Variants in DLGAP2 observed in about 807,000 individuals in gnomAD.
DLGAP2 encodes the protein DLG associated protein 2, also known as disks large-associated protein 2.
In DLGAP2, 26 loss-of-function variants were observed where a neutral mutation model predicts 100.3. The ratio of observed to expected loss-of-function variants is 0.26; its 90% CI spans 0.19 to 0.36. The LOEUF (loss-of-function observed/expected upper bound fraction) is 0.36. Among genes scored for constraint, DLGAP2 ranks in the 10% least tolerant of loss-of-function variants. The pLI, the probability that DLGAP2 is intolerant of heterozygous loss-of-function variation, is 1.00. For synonymous variants in DLGAP2, 886 were observed against 630.1 expected (o/e 1.41, Z -6.08); for missense variants, 1,858 against 1,453.2 (o/e 1.28, Z -4.53).
chr8:1,160,672 T>C (rs1216564153), intron 2 of DLGAP2, among the ~76,000 whole-genome samples: 1 of 152,236 alleles, frequency 6.6e-6, no homozygotes, highest in Non-Finnish European at 1.5e-5. Context: ...GTGTGTGTAA[T>C]GAGGCTAACT....
At position 1,355,613 on chromosome 8, in the gene DLGAP2, T is replaced by G. The variant is rs538525478; in HGVS notation, c.106+96730T>G. Among the ~76,000 whole-genome samples the G allele has an allele frequency of 2.0e-5, 3 of 152,274 alleles. No individual in the cohort carries two copies. The South Asian group carries it at 6.2e-4, about 32-fold the overall frequency. ...CTCCTGACCTCATGATCCACCTGTCTCGGCCTCCCAGGGTGCTGGGATTAT... is the reference window on the plus strand; with the variant it reads ...CTCCTGACCTCATGATCCACCTGTCGCGGCCTCCCAGGGTGCTGGGATTAT... On this transcript the variant is annotated intron_variant, in intron 3 of 14. Coordinates refer to ENST00000637795, the MANE Select transcript of DLGAP2 (RefSeq NM_001346810.2).
chr8:1,426,554 G>A (rs1797240704), intron 3 of DLGAP2, among the ~76,000 whole-genome samples: 1 of 152,174 alleles, frequency 6.6e-6, no homozygotes, highest in Middle Eastern at 3.2e-3. Context: ...CACCCATCCA[G>A]ACTGAAAGGG....
chr8:922,424 T>G (rs1270131691), intron 2 of DLGAP2, among the ~76,000 whole-genome samples: 1 of 152,214 alleles, frequency 6.6e-6, no homozygotes, highest in African/African-American at 2.4e-5. Flanking sequence ...CCCCCAAAAT[T>G]TAAAAGTAAT....
intron 4 of DLGAP2, among the ~76,000 whole-genome samples, chr8:1,528,390 A>G (rs1167853515): frequency 6.6e-6 from 1 of 152,240 alleles, no homozygotes. Flanking sequence ...AGGGCAGAGG[A>G]AGAAAGTAAA....
At chr8:1,447,256 G>A (rs150150544) in intron 3 of DLGAP2, among the ~76,000 whole-genome samples, 3,175 of 152,112 alleles carry the variant, frequency 0.021, 109 homozygotes, top group African/African-American at 0.069. Context: ...TATTATTTTG[G>A]GATACATCCC....
intron 3 of DLGAP2, among the ~76,000 whole-genome samples, chr8:1,268,861 A>C (rs370736772): frequency 1.3e-5 from 2 of 152,190 alleles, no homozygotes; most frequent in Non-Finnish European, 2.9e-5. Context: ...AAAGACAAAG[A>C]AGCTTTTATT....
intron 2 of DLGAP2, among the ~76,000 whole-genome samples, chr8:979,250 A>G (rs1712326771): frequency 6.6e-6 from 1 of 152,262 alleles, no homozygotes; most frequent in Non-Finnish European, 1.5e-5. Context: ...TAATAAAAAC[A>G]GTAAGCAAAT....
intron 1 of DLGAP2, among the ~76,000 whole-genome samples, chr8:773,712 GTA>G: frequency 6.6e-6 from 1 of 152,010 alleles, no homozygotes; most frequent in Admixed American, 6.6e-5. Context: ...ATTCCATGGT[GTA>G]TATATGCCAC....
rs753386928 is a variant in DLGAP2 at position 1,701,205 on chromosome 8, G to C, written c.2967G>C (p.Pro989=). The C allele has an allele frequency of 6.4e-7, 1 of 1,567,030 alleles. No homozygotes were observed. Among genetic ancestry groups the C allele is most frequent in the Non-Finnish European group, 8.6e-7 (1 of 1,156,604 alleles). Residue 989 remains proline (P), a synonymous_variant, in exon 15 of 15, where the codon CCG becomes CCC. Transcript: ENST00000637795. ...CTTTTCAGGAAGAAAGAAAGGTCCC[G>C]CCTCCAATACCAAAGAAGCCTCCCA... The part of the protein sequence containing the change: ...SPERKEERKV[P]PPIPKKPPKG...
chr8:1,017,913 A>C (rs998348040), intron 2 of DLGAP2, among the ~76,000 whole-genome samples: 1 of 152,206 alleles, frequency 6.6e-6, no homozygotes, highest in African/African-American at 2.4e-5. Context: ...GTTTGATTGG[A>C]CACAGCCACA....
chr8:1,097,542 G>A (rs1421577888), intron 2 of DLGAP2, among the ~76,000 whole-genome samples: 1 of 115,860 alleles, frequency 8.6e-6, no homozygotes, highest in Non-Finnish European at 1.9e-5. Flanking sequence ...ACCTCCCTCT[G>A]CTCAGTAGAG....
intron 5 of DLGAP2, among the ~76,000 whole-genome samples, chr8:1,563,267 G>A (rs1251653039): frequency 1.8e-5 from 1 of 54,882 alleles, no homozygotes; most frequent in Non-Finnish European, 3.5e-5. Flanking sequence ...GTGGTGTTGG[G>A]TGTCTGCGCC....
At chr8:1,693,750 C>A (rs969056652) in intron 13 of DLGAP2, among the ~76,000 whole-genome samples, 6 of 152,182 alleles carry the variant, frequency 3.9e-5, no homozygotes, top group Non-Finnish European at 1.5e-5. Flanking sequence ...TTTAAAGAGT[C>A]ACCAACACAT....
intron 1 of DLGAP2, among the ~76,000 whole-genome samples, chr8:845,320 T>C (rs1306436750): frequency 6.6e-6 from 1 of 152,206 alleles, no homozygotes; most frequent in East Asian, 1.9e-4. Flanking sequence ...TTTGGCTTTT[T>C]TATTCTATCC....
At chr8:1,201,926 G>C (rs11785592) in intron 2 of DLGAP2, among the ~76,000 whole-genome samples, 5 of 151,658 alleles carry the variant, frequency 3.3e-5, no homozygotes, top group Non-Finnish European at 7.4e-5. Flanking sequence ...GTGGTATCTA[G>C]CTCTGTGTGT....
intron 2 of DLGAP2, among the ~76,000 whole-genome samples, chr8:969,998 T>A (rs997184168): frequency 2.6e-5 from 4 of 152,182 alleles, no homozygotes; most frequent in African/African-American, 9.7e-5. Context: ...GACAAATGAG[T>A]GAAATTCTGA....
intron 2 of DLGAP2, among the ~76,000 whole-genome samples, chr8:1,142,588 A>G (rs149670055): frequency 2.0e-5 from 3 of 152,324 alleles, no homozygotes; most frequent in African/African-American, 7.2e-5. Context: ...GCAGGTCTCA[A>G]TTCATGCTTG....
At chr8:1,139,351 G>A (rs997974469) in intron 2 of DLGAP2, among the ~76,000 whole-genome samples, 4 of 152,242 alleles carry the variant, frequency 2.6e-5, no homozygotes, top group African/African-American at 7.2e-5. Flanking sequence ...GGGCAGCCTT[G>A]TCAGCAGACA....
Position 1,580,503 on chromosome 8 carries a change from C to G in DLGAP2, c.1442+14609C>G, listed in dbSNP as rs532759148. Among the ~76,000 whole-genome samples the G allele has an allele frequency of 3.9e-5, 6 of 152,112 alleles. No individual in the cohort carries two copies. In the East Asian group the frequency reaches 1.2e-3, roughly 29 times the overall value. ...TGCAGAGAGCTATCAAATGTTCTCACACACATAGAACCTGAATCCCAGCCA... is the reference window on the plus strand; with the variant it reads ...TGCAGAGAGCTATCAAATGTTCTCAGACACATAGAACCTGAATCCCAGCCA... On this transcript the variant is annotated intron_variant, in intron 6 of 14. Coordinates refer to ENST00000637795, the MANE Select transcript of DLGAP2 (RefSeq NM_001346810.2).
Sources: allele counts gnomAD v4.1 joint callset (sites outside exome capture counted in the v4.1 genomes callset), GRCh38; gene constraint gnomAD v4.1.1; transcripts MANE v1.5; gene names NCBI Gene and HGNC (gene_info 2026-07-23, HGNC 2026-07-21).